FHIT: variants seen among roughly 807,000 people sequenced by gnomAD.
FHIT encodes bis(5'-adenosyl)-triphosphatase.
A neutral mutation model predicts 17.9 loss-of-function variants in FHIT; 19 were observed. That is an observed-to-expected ratio of 1.06 (90% confidence interval 0.74 to 1.56). The LOEUF is 1.56. Among genes scored for constraint, FHIT ranks in the 40% most tolerant of loss-of-function variants. The pLI is 0.00. For synonymous variants in FHIT, 81 were observed against 69.7 expected, an observed-to-expected ratio of 1.16 and a Z score of -0.81; for missense variants, 248 against 189.2, an observed-to-expected ratio of 1.31 and a Z score of -1.82.
At chr3:60,771,503 A>T (rs1219203492) in intron 4 of FHIT, among the ~76,000 whole-genome samples, 1 of 152,214 alleles carries the variant, frequency 6.6e-6, no homozygotes, top group Non-Finnish European at 1.5e-5. Context: ...TGTAACTCAG[A>T]CACGTTGCAG....
intron 8 of FHIT, among the ~76,000 whole-genome samples, chr3:59,888,209 C>T (rs1703707904): frequency 6.6e-6 from 1 of 152,152 alleles, no homozygotes; most frequent in African/African-American, 2.4e-5. Context: ...CTTGGACATT[C>T]ACTGTACTCA....
At chr3:60,316,771 C>A (rs1709182695) in intron 5 of FHIT, among the ~76,000 whole-genome samples, 1 of 152,190 alleles carries the variant, frequency 6.6e-6, no homozygotes, top group Non-Finnish European at 1.5e-5. Context: ...AACTACTTTT[C>A]TGAAAAGACT....
chr3:60,467,591 G>A (rs1361056396), intron 5 of FHIT, among the ~76,000 whole-genome samples: 2 of 149,324 alleles, frequency 1.3e-5, no homozygotes, highest in East Asian at 3.9e-4. Context: ...TGGTCATTCA[G>A]AAGCATATTG....
At chr3:60,033,906 A>T (rs964530983) in intron 5 of FHIT, among the ~76,000 whole-genome samples, 3 of 152,238 alleles carry the variant, frequency 2.0e-5, no homozygotes, top group African/African-American at 7.2e-5. Context: ...CAAAACTAAG[A>T]TCAATCAGTA....
chr3:59,852,830 C>T (rs867419200), intron 8 of FHIT, among the ~76,000 whole-genome samples: 17 of 152,172 alleles, frequency 1.1e-4, no homozygotes, highest in African/African-American at 2.4e-4. Context: ...TTTAAGTTTC[C>T]GCCATGTCTC....
chr3:60,127,217 G>C (rs1320533766), intron 5 of FHIT, among the ~76,000 whole-genome samples: 1 of 152,214 alleles, frequency 6.6e-6, no homozygotes, highest in Non-Finnish European at 1.5e-5. Context: ...CCAACCCAGG[G>C]GAGGCTGACA....
chr3:60,199,802 G>A (rs1702813545), intron 5 of FHIT, among the ~76,000 whole-genome samples: 1 of 152,066 alleles, frequency 6.6e-6, no homozygotes, highest in African/African-American at 2.4e-5. Flanking sequence ...ACTCTGAGTA[G>A]GTAACCTACA....
At chr3:59,987,354 T>A (rs146751173) in intron 7 of FHIT, among the ~76,000 whole-genome samples, 1 of 151,800 alleles carries the variant, frequency 6.6e-6, no homozygotes, top group Admixed American at 6.6e-5. Context: ...CCAAGGATGA[T>A]CTATTAGTTC....
At chr3:60,953,585 C>A (rs76737903) in intron 3 of FHIT, among the ~76,000 whole-genome samples, 48 of 152,274 alleles carry the variant, frequency 3.2e-4, no homozygotes, top group African/African-American at 1.1e-3. Flanking sequence ...CCTTTTATCA[C>A]GTGGTCTATC....
rs149803937 is a variant in FHIT at position 60,327,420 on chromosome 3, G to A, written c.103+209440C>T. ...TGTGCAGCTACTTAGCTCTGACACC[G>A]TAGAGCAAAAACAGCCATAGCCAAT... On this transcript the variant is annotated intron_variant, in intron 5 of 9. Coordinates refer to ENST00000492590, the MANE Select transcript of FHIT (RefSeq NM_002012.4). 7.8e-3 allele frequency among the ~76,000 whole-genome samples: 1,185 copies of A among 152,248 alleles called. 12 individuals carry two copies. The highest frequency in any genetic ancestry group is 0.024 in the Middle Eastern group (7 of 294).
intron 5 of FHIT, among the ~76,000 whole-genome samples, chr3:60,126,494 C>T (rs952761764): frequency 6.6e-6 from 1 of 152,194 alleles, no homozygotes; most frequent in African/African-American, 2.4e-5. Flanking sequence ...TAACAAACAG[C>T]TACCGTTTAT....
intron 4 of FHIT, among the ~76,000 whole-genome samples, chr3:60,821,429 G>A (rs115468089): frequency 0.011 from 1,642 of 152,190 alleles, 20 homozygotes; most frequent in African/African-American, 0.037. Context: ...ACAGTACCAT[G>A]CCACTGAAGG....
At chr3:60,448,959 C>T (rs2107359898) in intron 5 of FHIT, among the ~76,000 whole-genome samples, 1 of 152,256 alleles carries the variant, frequency 6.6e-6, no homozygotes, top group South Asian at 2.1e-4. Context: ...TGCTTTTCCT[C>T]CAAGTAATTC....
intron 1 of FHIT, among the ~76,000 whole-genome samples, chr3:61,242,051 G>C (rs1421491443): frequency 6.6e-6 from 1 of 152,030 alleles, no homozygotes; most frequent in African/African-American, 2.4e-5. Flanking sequence ...ATGAAATTAC[G>C]GTGCTGGGTA....
chr3:59,887,390 CT>C (rs947333846), intron 8 of FHIT, among the ~76,000 whole-genome samples: 1 of 152,104 alleles, frequency 6.6e-6, no homozygotes, highest in African/African-American at 2.4e-5. Context: ...GAACATTGCC[CT>C]TTTAAACTCA....
At chr3:61,249,292 C>A (rs1008697052) in intron 1 of FHIT, among the ~76,000 whole-genome samples, 1 of 152,104 alleles carries the variant, frequency 6.6e-6, no homozygotes, top group Non-Finnish European at 1.5e-5. Flanking sequence ...ACCACCTGGG[C>A]CAGTTTCCTA....
At chr3:60,697,589 A>G (rs1365056677) in intron 4 of FHIT, among the ~76,000 whole-genome samples, 1 of 152,196 alleles carries the variant, frequency 6.6e-6, no homozygotes, top group Non-Finnish European at 1.5e-5. Context: ...TTGTAAACCA[A>G]TCAGAATAGC....
chr3:60,690,181 G>A, intron 4 of FHIT: 2 of 466,962 alleles, frequency 4.3e-6, no homozygotes, highest in Non-Finnish European at 8.2e-6. Context: ...CTGAGCAACA[G>A]AAGAAATGGT....
chr3:60,559,104 GAT>G, intron 4 of FHIT, among the ~76,000 whole-genome samples: 1 of 152,248 alleles, frequency 6.6e-6, no homozygotes, highest in African/African-American at 2.4e-5. Context: ...TTCTGATTGT[GAT>G]ATAATTTTTA....
Sources: allele counts gnomAD v4.1 joint callset (sites outside exome capture counted in the v4.1 genomes callset), GRCh38; gene constraint gnomAD v4.1.1; transcripts MANE v1.5; gene names NCBI Gene and HGNC (gene_info 2026-07-23, HGNC 2026-07-21).